Variants in ZC3H12D observed in about 807,000 individuals in gnomAD.
ZC3H12D encodes the protein zinc finger CCCH-type containing 12D.
Under a neutral mutation model 24.2 loss-of-function variants are expected in ZC3H12D, and 11 were observed. That is an observed-to-expected ratio of 0.46 (90% CI 0.29 to 0.75). The LOEUF (loss-of-function observed/expected upper bound fraction) is 0.75. Among genes scored for constraint, ZC3H12D ranks in the 30% least tolerant of loss-of-function variants. The pLI is 0.11. For synonymous variants in ZC3H12D, 333 were observed against 341.8 expected (o/e 0.97, Z 0.28); for missense variants, 740 against 767.7 (o/e 0.96, Z 0.43).
At chr6:149,474,920 T>C (rs1422829974) in intron 1 of ZC3H12D, among the ~76,000 whole-genome samples, 1 of 148,248 alleles carries the variant, frequency 6.7e-6, no homozygotes, top group East Asian at 2.0e-4. Context: ...AGGTTTCTTG[T>C]TTCTCAGACT....
intron 2 of ZC3H12D, among the ~76,000 whole-genome samples, chr6:149,471,029 G>T (rs1271502502): frequency 2.0e-5 from 3 of 152,168 alleles, no homozygotes; most frequent in African/African-American, 7.2e-5. Context: ...TGTTTACCAG[G>T]TCCCCATCTT....
chr6:149,473,915 A>C (rs980208939), intron 2 of ZC3H12D, among the ~76,000 whole-genome samples: 5 of 151,934 alleles, frequency 3.3e-5, no homozygotes, highest in African/African-American at 1.2e-4. Flanking sequence ...CCTTCCCCAA[A>C]AGAAGGCTCT....
At chr6:149,472,558 TG>T (rs1207911130) in intron 2 of ZC3H12D, among the ~76,000 whole-genome samples, 1 of 124,284 alleles carries the variant, frequency 8.0e-6, no homozygotes, top group Non-Finnish European at 1.7e-5. Context: ...GGGGCAGAGG[TG>T]GGGGATCAAT....
chr6:149,464,216 G>A (rs1776117738), intron 2 of ZC3H12D, among the ~76,000 whole-genome samples: 1 of 152,176 alleles, frequency 6.6e-6, no homozygotes, highest in Non-Finnish European at 1.5e-5. Context: ...GAAGGAGGAA[G>A]AAAACCAGAG....
intron 1 of ZC3H12D, among the ~76,000 whole-genome samples, chr6:149,481,952 G>A (rs143369982): frequency 2.0e-5 from 3 of 152,224 alleles, no homozygotes; most frequent in East Asian, 1.9e-4. Flanking sequence ...TGTAACTTGC[G>A]CTCCATGTGA....
intron 4 of ZC3H12D, among the ~76,000 whole-genome samples, chr6:149,454,456 C>T (rs141783906): frequency 1.3e-5 from 2 of 152,344 alleles, no homozygotes; most frequent in East Asian, 3.9e-4. Flanking sequence ...CCTGTGTGGC[C>T]TCCATAGCTC....
At position 149,452,556 on chromosome 6, in the gene ZC3H12D, C is replaced by T; in HGVS notation, c.787+60G>A. The T allele has an allele frequency of 5.8e-6, 8 of 1,372,140 alleles. No homozygotes were observed. Among genetic ancestry groups the T allele is most frequent in the Non-Finnish European group, 7.7e-6 (8 of 1,037,922 alleles). The allele number at this position is 1,372,140 out of a possible 1,614,324, so 85.0% of individuals were successfully genotyped here. The stretch of plus-strand genomic sequence containing the variant: ...CAGGCCAGCGCTTTTTGACTGTGCT[C>T]CTGTACTGCCCCCACACAAGGCCCT... On this transcript the variant is annotated intron_variant, in intron 5 of 5. Coordinates refer to ENST00000409806, the MANE Select transcript of ZC3H12D (RefSeq NM_207360.3). This position sits in a 1 kb window ranked among gnomAD's most constrained non-coding sequence, Gnocchi z 4.0.
rs771558516 is a variant in ZC3H12D, at chr6:149,451,034, G to A, written c.1233C>T (p.Leu411=). The A allele has an allele frequency of 4.2e-6, 6 of 1,436,122 alleles. No homozygotes were observed. The highest frequency in any genetic ancestry group is 3.6e-6 in the Non-Finnish European group (4 of 1,100,642). The allele number at this position is 1,436,122 out of a possible 1,614,324, so 89.0% of individuals were successfully genotyped here. The change falls in exon 6 of 6, where the codon CTC becomes CTT. Residue 411 remains leucine, a synonymous_variant. Transcript: ENST00000409806. Reference sequence around the variant, plus strand: ...TAGGGCGGTGTTCGCCCCGCGGCTGGAGCTGCAGGCCGGGCGGAGGCGGGA... The same window carrying A: ...TAGGGCGGTGTTCGCCCCGCGGCTGAAGCTGCAGGCCGGGCGGAGGCGGGA... The part of the protein sequence containing the change: ...GDLPPPPGLQ[L]QPRGEHRPRD...
intron 3 of ZC3H12D, among the ~76,000 whole-genome samples, chr6:149,461,339 CAAA>C (rs202117524): frequency 4.2e-5 from 4 of 95,048 alleles, no homozygotes; most frequent in Non-Finnish European, 4.5e-5. Context: ...GATTTGGTCT[CAAA>C]AAAAAAAAAA....
intron 2 of ZC3H12D, among the ~76,000 whole-genome samples, chr6:149,469,187 A>G (rs1259293504): frequency 1.1e-4 from 16 of 152,216 alleles, no homozygotes; most frequent in East Asian, 3.9e-4. Context: ...GCCGGGAGCG[A>G]TGGCTCAAGC....
At chr6:149,482,861 C>T (rs1438561259) in intron 1 of ZC3H12D, among the ~76,000 whole-genome samples, 1 of 152,104 alleles carries the variant, frequency 6.6e-6, no homozygotes, top group Non-Finnish European at 1.5e-5. Flanking sequence ...TACCCAGGCC[C>T]CTACTGTAAA....
intron 1 of ZC3H12D, among the ~76,000 whole-genome samples, chr6:149,483,385 A>T (rs2115016495): frequency 6.6e-6 from 1 of 152,310 alleles, no homozygotes; most frequent in Non-Finnish European, 1.5e-5. Flanking sequence ...ACAGGTCAGT[A>T]GCATGGAGCA....
chr6:149,475,890 C>T (rs1217437449), intron 1 of ZC3H12D, among the ~76,000 whole-genome samples: 1 of 152,164 alleles, frequency 6.6e-6, no homozygotes, highest in Admixed American at 6.5e-5. Context: ...GTCCCTCTCT[C>T]TTTTCTACCC....
chr6:149,468,744 G>A (rs906079908), intron 2 of ZC3H12D, among the ~76,000 whole-genome samples: 3 of 152,146 alleles, frequency 2.0e-5, no homozygotes, highest in Admixed American at 6.5e-5. Context: ...CAAGGCTAAC[G>A]TCAGACAGAA....
Position 149,456,622 on chromosome 6 carries a change from C to CCCCCCCCCCCCCCCCCCCGGGGGAGG in ZC3H12D, c.680+43_680+44insCCTCCCCCGGGGGGGGGGGGGGGGGG. On this transcript the variant is annotated intron_variant, in intron 4 of 5. Transcript: ENST00000409806. This position sits in a 1 kb window ranked among gnomAD's most constrained non-coding sequence, Gnocchi z 4.3. ...GGCCACTGCCTCGACCCCGGCCCCC[C>CCCCCCCCCCCCCCCCCCCGGGGGAGG]GCCCCGCCGCCCCCCAGGGTGTCAG... The CCCCCCCCCCCCCCCCCCCGGGGGAGG allele has an allele frequency of 9.9e-6, 13 of 1,314,308 alleles. No individual in the cohort carries two copies. The highest frequency in any genetic ancestry group is 4.7e-5 in the East Asian group (2 of 42,320). The allele number at this position is 1,314,308 out of a possible 1,614,324, so 81.4% of individuals were successfully genotyped here. A position where few individuals can be genotyped will look rare whatever the true frequency, so the allele number is the denominator to read the frequency against.
chr6:149,463,385 T>C (rs1776105141), intron 2 of ZC3H12D, among the ~76,000 whole-genome samples: 1 of 152,194 alleles, frequency 6.6e-6, no homozygotes, highest in Admixed American at 6.5e-5. Context: ...AGATTGGAAG[T>C]AGATGATGTG....
chr6:149,469,945 C>T (rs944419663), intron 2 of ZC3H12D, among the ~76,000 whole-genome samples: 1 of 152,126 alleles, frequency 6.6e-6, no homozygotes, highest in Non-Finnish European at 1.5e-5. Flanking sequence ...ATGGTAATGT[C>T]TGGGGGGAAC....
rs919163348 is a variant in ZC3H12D at position 149,449,878 on chromosome 6, C to T, written c.*805G>A. The T allele has an allele frequency of 1.3e-5, 2 of 150,744 alleles. No homozygotes were observed. The highest frequency in any genetic ancestry group is 2.9e-5 in the Non-Finnish European group (2 of 67,912). 9.3% of individuals were successfully genotyped at this position (150,744 alleles called of 1,614,324 possible). On this transcript the variant is annotated 3_prime_UTR_variant, in exon 6 of 6. Transcript: ENST00000409806. ...TGGAGATACTTAACCCTTAGCCAAACAGTATGTGTCTGTGTGGTGTGTGTG... is the reference window on the plus strand; with the variant it reads ...TGGAGATACTTAACCCTTAGCCAAATAGTATGTGTCTGTGTGGTGTGTGTG...
chr6:149,481,437 C>T (rs1333914372), intron 1 of ZC3H12D, among the ~76,000 whole-genome samples: 6 of 149,978 alleles, frequency 4.0e-5, no homozygotes, highest in Non-Finnish European at 7.4e-5. Context: ...TGAAATGGTG[C>T]GACCTCGGCT....
Sources: allele counts gnomAD v4.1 joint callset (sites outside exome capture counted in the v4.1 genomes callset), GRCh38; gene constraint gnomAD v4.1.1; non-coding constraint Gnocchi (gnomAD v3.1); transcripts MANE v1.5; gene names NCBI Gene and HGNC (gene_info 2026-07-23, HGNC 2026-07-21).